RBFOX1: variants seen among roughly 807,000 people sequenced by gnomAD.
RBFOX1 encodes RNA binding protein fox-1 homolog 1.
Under a neutral mutation model 57.7 loss-of-function variants are expected in RBFOX1, and 8 were observed. The ratio of observed to expected loss-of-function variants is 0.14; its 90% CI spans 0.08 to 0.25. The LOEUF (loss-of-function observed/expected upper bound fraction) is 0.25, where lower values mean the gene tolerates loss of function less well. Among genes scored for constraint, RBFOX1 ranks in the 10% least tolerant of loss-of-function variants. The pLI, the probability that RBFOX1 is intolerant of heterozygous loss-of-function variation, is 1.00. For synonymous variants in RBFOX1, 326 were observed against 222.4 expected (o/e 1.47, Z -4.15); for missense variants, 611 against 548.5 (o/e 1.11, Z -1.14).
chr16:6,917,653 C>G (rs533155527), intron 3 of RBFOX1, among the ~76,000 whole-genome samples: 1 of 152,186 alleles, frequency 6.6e-6, no homozygotes, highest in Non-Finnish European at 1.5e-5. Context: ...GTTCCAGATA[C>G]CATTTGCTGT....
intron 6 of RBFOX1, among the ~76,000 whole-genome samples, chr16:7,586,182 T>C (rs1316675393): frequency 6.6e-6 from 1 of 152,250 alleles, no homozygotes; most frequent in Non-Finnish European, 1.5e-5. Context: ...CATTTTATTT[T>C]TCCCTGGGCC....
intron 1 of RBFOX1, among the ~76,000 whole-genome samples, chr16:5,368,660 A>C (rs1378091497): frequency 6.6e-6 from 1 of 152,188 alleles, no homozygotes; most frequent in East Asian, 1.9e-4. Flanking sequence ...CAAAAGCTCA[A>C]AGGCCATCCT....
At position 5,947,152 on chromosome 16, in the gene RBFOX1, G is replaced by A. The variant is rs1014096816; in HGVS notation, c.351+79817G>A. ...GATCATGTGAACTCAGGAGGTTGAG[G>A]TTGCAGCGAGCCGTGATTCTGCCAC... On this transcript the variant is annotated intron_variant, in intron 4 of 19. Coordinates refer to the RBFOX1 transcript ENST00000641259. The surrounding 1 kb of genome is among the most constrained non-coding windows in gnomAD (Gnocchi z 7.2). Among the ~76,000 whole-genome samples, 3 of 152,222 alleles carry A rather than the reference G, an allele frequency of 2.0e-5. No homozygotes were observed. The highest frequency in any genetic ancestry group is 7.2e-5 in the African/African-American group (3 of 41,538).
intron 1 of RBFOX1, among the ~76,000 whole-genome samples, chr16:5,438,090 T>C (rs35639639): frequency 0.096 from 14,688 of 152,256 alleles, 946 homozygotes; most frequent in Non-Finnish European, 0.14. Flanking sequence ...ATCTATAACA[T>C]TGGCACATTT....
intron 4 of RBFOX1, among the ~76,000 whole-genome samples, chr16:7,440,102 C>G (rs140106037): frequency 6.6e-6 from 1 of 151,958 alleles, no homozygotes; most frequent in African/African-American, 2.4e-5. Context: ...TGCCGTGTCG[C>G]CTAGGCTGGT....
intron 5 of RBFOX1, among the ~76,000 whole-genome samples, chr16:7,525,179 C>G (rs1346797519): frequency 6.6e-6 from 1 of 152,164 alleles, no homozygotes; most frequent in East Asian, 1.9e-4. Context: ...CTTATAAGTA[C>G]TCACTATTTC....
chr16:7,625,394 C>G (rs987307874), intron 10 of RBFOX1, among the ~76,000 whole-genome samples: 1 of 152,092 alleles, frequency 6.6e-6, no homozygotes, highest in African/African-American at 2.4e-5. Context: ...AAAATTTCCA[C>G]CTAGAACCTT....
chr16:6,223,082 T>A (rs1344040666), intron 1 of RBFOX1, among the ~76,000 whole-genome samples: 1 of 149,090 alleles, frequency 6.7e-6, no homozygotes, highest in Non-Finnish European at 1.5e-5. Flanking sequence ...TGCCACATTT[T>A]CTTAATCCAG....
rs2047293787 is a variant in RBFOX1 at position 5,599,427 on chromosome 16, G to C, written c.*178G>C. 3 of 563,998 alleles carry C rather than the reference G, an allele frequency of 5.3e-6. No homozygotes were observed. In the South Asian group the frequency reaches 7.5e-5, roughly 14 times the overall value. The allele number at this position is 563,998 out of a possible 1,614,324, so 34.9% of individuals were successfully genotyped here. A position where few individuals can be genotyped will look rare whatever the true frequency, so the allele number is the denominator to read the frequency against. ...GGAGTCACTGGGGTACATAACCTGGGATGATGGCAGTGAATTCCCGTGTAT... is the reference window on the plus strand; with the variant it reads ...GGAGTCACTGGGGTACATAACCTGGCATGATGGCAGTGAATTCCCGTGTAT... On this transcript the variant is annotated 3_prime_UTR_variant, in exon 3 of 3. Transcript: ENST00000585867.
intron 4 of RBFOX1, among the ~76,000 whole-genome samples, chr16:7,463,807 A>G (rs143519379): frequency 4.9e-4 from 74 of 152,302 alleles, no homozygotes; most frequent in African/African-American, 1.7e-3. Flanking sequence ...AACAGCTGCT[A>G]TTTTTTAAAT....
At chr16:7,518,616 A>G (rs2076892514) in intron 5 of RBFOX1, among the ~76,000 whole-genome samples, 1 of 152,220 alleles carries the variant, frequency 6.6e-6, no homozygotes, top group Non-Finnish European at 1.5e-5. Context: ...TTATTTGTAA[A>G]GGGGCACATT....
chr16:6,791,914 G>A (rs940674320), intron 3 of RBFOX1, among the ~76,000 whole-genome samples: 1 of 152,166 alleles, frequency 6.6e-6, no homozygotes, highest in Non-Finnish European at 1.5e-5. Flanking sequence ...CTAACACAGA[G>A]AGAGAGAGAA....
At chr16:7,209,000 A>T (rs770124834) in intron 4 of RBFOX1, among the ~76,000 whole-genome samples, 18 of 151,972 alleles carry the variant, frequency 1.2e-4, no homozygotes, top group Non-Finnish European at 2.1e-4. Context: ...TCTGTGTCCA[A>T]AATTTCCTTT....
intron 3 of RBFOX1, among the ~76,000 whole-genome samples, chr16:5,625,822 T>C (rs2048333515): frequency 6.6e-6 from 1 of 152,050 alleles, no homozygotes; most frequent in Non-Finnish European, 1.5e-5. Context: ...CCTCCCAAAG[T>C]ACTGGGATTA....
intron 4 of RBFOX1, among the ~76,000 whole-genome samples, chr16:5,996,220 T>G (rs968365528): frequency 2.6e-5 from 4 of 152,058 alleles, no homozygotes; most frequent in Non-Finnish European, 5.9e-5. Flanking sequence ...CAGTGGTCAT[T>G]TTCCACGAGC....
chr16:5,374,095 G>GTGCAGGCACC (rs1045506428), intron 1 of RBFOX1, among the ~76,000 whole-genome samples: 2 of 152,132 alleles, frequency 1.3e-5, no homozygotes, highest in African/African-American at 4.8e-5. Flanking sequence ...CTGCCATCAT[G>GTGCAGGCACC]TGCGGCTAAT....
At chr16:7,484,567 A>G (rs12925958) in intron 4 of RBFOX1, among the ~76,000 whole-genome samples, 72 of 152,086 alleles carry the variant, frequency 4.7e-4, no homozygotes, top group African/African-American at 1.6e-3. Context: ...AGTTCAAGCA[A>G]TTCTCCTACC....
At chr16:6,491,612 A>G (rs935175123) in intron 2 of RBFOX1, among the ~76,000 whole-genome samples, 42 of 152,196 alleles carry the variant, frequency 2.8e-4, no homozygotes, top group African/African-American at 8.2e-4. Flanking sequence ...AGTGCCTGCA[A>G]TAAGCTAGAC....
chr16:7,046,691 C>T (rs937046428), intron 3 of RBFOX1, among the ~76,000 whole-genome samples: 4 of 147,316 alleles, frequency 2.7e-5, no homozygotes, highest in Non-Finnish European at 4.5e-5. Flanking sequence ...CTGCAACCTC[C>T]GTCTCCTGGG....
Sources: allele counts gnomAD v4.1 joint callset (sites outside exome capture counted in the v4.1 genomes callset), GRCh38; gene constraint gnomAD v4.1.1; non-coding constraint Gnocchi (gnomAD v3.1); transcripts MANE v1.5; gene names NCBI Gene and HGNC (gene_info 2026-07-23, HGNC 2026-07-21).